The following CCDC122 variants were observed in gnomAD, a reference collection of about 807,000 sequenced individuals.
CCDC122 encodes the protein coiled-coil domain-containing protein 122.
CCDC122 carries 38 observed loss-of-function variants against 37.0 expected under a neutral mutation model. That is an observed-to-expected ratio of 1.03 (90% CI 0.79 to 1.35). The LOEUF is 1.35. CCDC122 is among the 40% of genes most tolerant of loss of function. CCDC122 has a pLI of 0.00. For synonymous variants in CCDC122, 83 were observed against 95.6 expected (o/e 0.87, Z 0.77); for missense variants, 305 against 310.0 (o/e 0.98, Z 0.12).
intron 5 of CCDC122, among the ~76,000 whole-genome samples, chr13:43,859,153 G>A (rs1368762924): frequency 2.6e-5 from 4 of 152,034 alleles, no homozygotes; most frequent in Non-Finnish European, 5.9e-5. Flanking sequence ...GGCAACTGCC[G>A]AACAACAGTG....
intron 1 of CCDC122, among the ~76,000 whole-genome samples, chr13:43,876,715 T>A (rs926523814): frequency 1.3e-5 from 2 of 152,264 alleles, no homozygotes; most frequent in African/African-American, 4.8e-5. Context: ...TTTCGTAACT[T>A]AATATTGTAT....
Position 43,837,238 on chromosome 13 carries a change from T to C in CCDC122, c.*42A>G. Reference sequence around the variant, plus strand: ...TTTCTTAATGTTCTGTCCAGTAATTTTTGTTGTCATGGTCTGTGTTCCACA... The same window carrying C: ...TTTCTTAATGTTCTGTCCAGTAATTCTTGTTGTCATGGTCTGTGTTCCACA... On this transcript the variant is annotated 3_prime_UTR_variant, in exon 7 of 7. Coordinates refer to ENST00000444614, the MANE Select transcript of CCDC122 (RefSeq NM_144974.5). 1 of 1,570,852 alleles carries C rather than the reference T, an allele frequency of 6.4e-7. No homozygotes were observed. The highest frequency in any genetic ancestry group is 8.6e-7 in the Non-Finnish European group (1 of 1,160,274).
intron 6 of CCDC122, among the ~76,000 whole-genome samples, chr13:43,838,983 G>A (rs1028508094): frequency 5.3e-5 from 8 of 152,180 alleles, no homozygotes; most frequent in African/African-American, 1.7e-4. Flanking sequence ...CCTGCAATAA[G>A]GTTAACTCCC....
intron 6 of CCDC122, among the ~76,000 whole-genome samples, chr13:43,843,243 T>A (rs987126542): frequency 3.9e-5 from 6 of 152,010 alleles, no homozygotes; most frequent in African/African-American, 1.4e-4. Flanking sequence ...TCAGAAAATA[T>A]GCTATTCTCA....
chr13:43,841,695 T>G (rs941282456), intron 6 of CCDC122, among the ~76,000 whole-genome samples: 1 of 152,204 alleles, frequency 6.6e-6, no homozygotes, highest in Non-Finnish European at 1.5e-5. Context: ...TTTGTGATTC[T>G]GTCTTTTCAT....
chr13:43,861,047 G>C (rs940392938), intron 4 of CCDC122, among the ~76,000 whole-genome samples: 1 of 152,166 alleles, frequency 6.6e-6, no homozygotes, highest in Non-Finnish European at 1.5e-5. Flanking sequence ...GAGAAGCAAG[G>C]GTTGGCTAGG....
At chr13:43,868,288 T>A (rs1237803624) in intron 4 of CCDC122, among the ~76,000 whole-genome samples, 1 of 152,072 alleles carries the variant, frequency 6.6e-6, no homozygotes, top group South Asian at 2.1e-4. Flanking sequence ...ATCAATATAT[T>A]TAAAAAGGAA....
In CCDC122 at chr13:43,844,639, T is replaced by G. The variant is rs9788295; in HGVS notation, c.673-7210A>C. 8.6e-4 allele frequency among the ~76,000 whole-genome samples: 131 copies of G among 152,198 alleles called. 1 individual carries two copies. In the East Asian group the frequency reaches 0.023, roughly 27 times the overall value. On this transcript the variant is annotated intron_variant, in intron 6 of 6. Transcript: ENST00000444614. Reference sequence around the variant, plus strand: ...CTCTTTTTTTCTTTGGTTCTGTTTGTTTTTGCTCATGTATTTTGAAACTCT... The same window carrying G: ...CTCTTTTTTTCTTTGGTTCTGTTTGGTTTTGCTCATGTATTTTGAAACTCT...
In CCDC122 at chr13:43,858,791, TTTC is replaced by T; in HGVS notation, c.659_661del (p.Arg220del). The T allele has an allele frequency of 2.1e-6, 3 of 1,418,424 alleles. No individual in the cohort carries two copies. The highest frequency in any genetic ancestry group is 1.4e-5 in the African/African-American group (1 of 69,104). The allele number at this position is 1,418,424 out of a possible 1,614,324, so 87.9% of individuals were successfully genotyped here. A position where few individuals can be genotyped will look rare whatever the true frequency, so the allele number is the denominator to read the frequency against. On this transcript the variant is annotated inframe_deletion, in exon 6 of 7. Coordinates refer to ENST00000444614, the MANE Select transcript of CCDC122 (RefSeq NM_144974.5). ...ATAATTAAGACTTACCTCTATTTCT[TTTC>T]TTAATTTTTCATGTGTCTTTTTTTC... is the stretch of plus-strand genomic sequence containing the variant.
chr13:43,846,720 G>A (rs1953550031), intron 6 of CCDC122, among the ~76,000 whole-genome samples: 1 of 152,084 alleles, frequency 6.6e-6, no homozygotes, highest in Non-Finnish European at 1.5e-5. Context: ...CATTCTAATT[G>A]TTTCCCAACT....
intron 2 of CCDC122, among the ~76,000 whole-genome samples, chr13:43,870,383 T>C (rs1478890646): frequency 6.6e-6 from 1 of 152,136 alleles, no homozygotes; most frequent in Non-Finnish European, 1.5e-5. Flanking sequence ...TGTCCCAGAT[T>C]AGTGCTAATG....
downstream of CCDC122, chr13:43,836,346 G>A (rs962890119): frequency 6.6e-6 from 1 of 152,146 alleles, no homozygotes; most frequent in East Asian, 1.9e-4. Context: ...CACAGAATAC[G>A]AATAATTTAT....
intron 4 of CCDC122, 75 bp from the exon 5 acceptor site, chr13:43,860,145 TAATG>T (rs142300402): frequency 0.34 from 244,943 of 720,076 alleles, 44,338 homozygotes; most frequent in East Asian, 0.52. Flanking sequence ...TTTTAATCCA[TAATG>T]AATATAGGAA....
At chr13:43,874,633 TTA>T (rs1954550793) in intron 2 of CCDC122, 1 of 152,198 alleles carries the variant, frequency 6.6e-6, no homozygotes, top group South Asian at 2.1e-4. Flanking sequence ...TGGAAAAGTT[TTA>T]GTTTTTTTTC....
chr13:43,826,183 T>C (rs1403198178), intron 3 of CCDC122, among the ~76,000 whole-genome samples: 1 of 152,182 alleles, frequency 6.6e-6, no homozygotes, highest in Non-Finnish European at 1.5e-5. Context: ...TTTGGTAAGG[T>C]ACATTTAGCC....
At chr13:43,862,308 C>A (rs9562517) in intron 4 of CCDC122, among the ~76,000 whole-genome samples, 1 of 152,120 alleles carries the variant, frequency 6.6e-6, no homozygotes, top group African/African-American at 2.4e-5. Flanking sequence ...TCCGACCTAA[C>A]GGCTTTTTAA....
chr13:43,867,072 T>A (rs74862830), intron 4 of CCDC122, among the ~76,000 whole-genome samples: 1 of 152,270 alleles, frequency 6.6e-6, no homozygotes, highest in East Asian at 1.9e-4. Context: ...TATGTAGATG[T>A]TCTTCCTTAG....
intron 6 of CCDC122, among the ~76,000 whole-genome samples, chr13:43,849,508 A>G (rs1445239983): frequency 2.0e-5 from 3 of 152,234 alleles, no homozygotes; most frequent in African/African-American, 7.2e-5. Flanking sequence ...TCAAGACCCA[A>G]GTAATGTCCT....
chr13:43,866,447 A>G (rs1954280237), intron 4 of CCDC122, among the ~76,000 whole-genome samples: 1 of 152,204 alleles, frequency 6.6e-6, no homozygotes, highest in African/African-American at 2.4e-5. Flanking sequence ...GACTTTTAGA[A>G]TTAGCCTATG....
Sources: gnomAD v4.1 joint callset for allele counts (sites outside exome capture counted in the v4.1 genomes callset) on GRCh38, gnomAD v4.1.1 for gene constraint, MANE v1.5 for transcripts, NCBI Gene and HGNC (gene_info 2026-07-23, HGNC 2026-07-21) for gene names.